The following DENND11 variants were observed in gnomAD, a reference collection of about 807,000 sequenced individuals.
The protein encoded by DENND11 is DENN domain containing 11.
Under a neutral mutation model 49.2 loss-of-function variants are expected in DENND11, and 34 were observed. The observed-to-expected ratio is 0.69, with a 90% confidence interval of 0.53 to 0.92. The LOEUF is 0.92. Among genes scored for constraint, DENND11 ranks in the 40% least tolerant of loss-of-function variants. DENND11 has a pLI of 0.00. For missense variants in DENND11, 475 were observed against 581.6 expected, an observed-to-expected ratio of 0.82 and a Z score of 1.88; for synonymous variants, 238 against 230.3, an observed-to-expected ratio of 1.03 and a Z score of -0.30.
chr7:141,678,255 G>A (rs1256648153), intron 3 of DENND11, among the ~76,000 whole-genome samples: 2 of 152,074 alleles, frequency 1.3e-5, no homozygotes. Flanking sequence ...GAGCCACTGC[G>A]CCCGGCCAAT....
intron 1 of DENND11, among the ~76,000 whole-genome samples, chr7:141,697,785 G>C (rs1361755189): frequency 6.6e-6 from 1 of 152,060 alleles, no homozygotes; most frequent in Non-Finnish European, 1.5e-5. Flanking sequence ...ACTATACAGG[G>C]AATCTACAGA....
At chr7:141,683,682 T>C (rs1798185239) in intron 3 of DENND11, among the ~76,000 whole-genome samples, 1 of 152,010 alleles carries the variant, frequency 6.6e-6, no homozygotes, top group African/African-American at 2.4e-5. Flanking sequence ...AACAAAACAT[T>C]TGGCAAGTTC....
chr7:141,685,541 C>T lies in DENND11; in HGVS notation c.464G>A (p.Gly155Asp). Residue 155 changes from glycine (G) to aspartate (D), a missense_variant, in exon 3 of 9, where the codon GGC becomes GAC. Gly to Asp is a moderately conservative substitution (Grantham distance 94). Coordinates refer to ENST00000536163, the MANE Select transcript of DENND11 (RefSeq NM_001080392.2). ...LERGARMKSV[G>D]ILSPSYTLLY... ...CAGTGTGTAGGAGGGAGAGAGGATG[C>T]CCACAGACTTCATCCGCGCGCCACG... 6.2e-7 allele frequency: 1 copy of T among 1,613,950 alleles called. No homozygotes were observed. Among genetic ancestry groups the T allele is most frequent in the Non-Finnish European group, 8.5e-7 (1 of 1,179,882 alleles).
chr7:141,677,604 A>G (rs555737824), intron 3 of DENND11, among the ~76,000 whole-genome samples: 13 of 151,082 alleles, frequency 8.6e-5, no homozygotes, highest in Admixed American at 2.6e-4. Context: ...ACTCCCATTT[A>G]CTGCGGGTGC....
At chr7:141,671,492 G>A (rs1797979643) in intron 4 of DENND11, among the ~76,000 whole-genome samples, 1 of 151,964 alleles carries the variant, frequency 6.6e-6, no homozygotes, top group South Asian at 2.1e-4. Context: ...TTATTTTGAT[G>A]TGCTGACATA....
At chr7:141,689,228 T>C (rs530859098) in intron 1 of DENND11, among the ~76,000 whole-genome samples, 21 of 152,212 alleles carry the variant, frequency 1.4e-4, no homozygotes, top group Non-Finnish European at 3.1e-4. Context: ...GTAGACCGGA[T>C]AAAGAAAATG....
intron 4 of DENND11, 118 bp from the exon 5 acceptor site, chr7:141,666,543 TA>T (rs1229099937): frequency 3.1e-6 from 3 of 959,634 alleles, no homozygotes; most frequent in Admixed American, 3.1e-5. Flanking sequence ...ACAGATACAT[TA>T]AAGGATGCTT....
intron 1 of DENND11, among the ~76,000 whole-genome samples, chr7:141,698,940 G>T (rs1359489277): frequency 2.0e-5 from 3 of 151,888 alleles, no homozygotes; most frequent in Non-Finnish European, 4.4e-5. Context: ...AGTGATGGGG[G>T]TGGCGGAGGG....
intron 1 of DENND11, among the ~76,000 whole-genome samples, chr7:141,695,950 A>T (rs2117082938): frequency 6.6e-6 from 1 of 152,366 alleles, no homozygotes; most frequent in East Asian, 1.9e-4. Flanking sequence ...GTCATTGAAC[A>T]AATATTGGTG....
At chr7:141,669,084 C>T (rs1028460184) in intron 4 of DENND11, among the ~76,000 whole-genome samples, 1 of 152,092 alleles carries the variant, frequency 6.6e-6, no homozygotes, top group Non-Finnish European at 1.5e-5. Context: ...CCCCTGTATC[C>T]CTCTCCCACT....
chr7:141,673,495 T>C (rs1798015712), intron 4 of DENND11, among the ~76,000 whole-genome samples: 1 of 152,120 alleles, frequency 6.6e-6, no homozygotes, highest in South Asian at 2.1e-4. Context: ...TGGCATAATT[T>C]CTCTACCAGG....
At chr7:141,700,460 AGAGT>A (rs1482291237) in intron 1 of DENND11, among the ~76,000 whole-genome samples, 2 of 151,004 alleles carry the variant, frequency 1.3e-5, no homozygotes, top group African/African-American at 4.9e-5. Flanking sequence ...CCTAGGCGAC[AGAGT>A]GAGACACTGT....
At chr7:141,677,401 A>AT (rs1562999600) in intron 3 of DENND11, among the ~76,000 whole-genome samples, 65 of 71,350 alleles carry the variant, frequency 9.1e-4, no homozygotes, top group Non-Finnish European at 1.5e-3. Flanking sequence ...AAAAAAAAAA[A>AT]AATATATATA....
At chr7:141,683,763 C>T (rs1202303787) in intron 3 of DENND11, among the ~76,000 whole-genome samples, 1 of 152,176 alleles carries the variant, frequency 6.6e-6, no homozygotes, top group Non-Finnish European at 1.5e-5. Context: ...CGACTAATTT[C>T]AGATAACAGT....
chr7:141,669,342 G>A (rs1048415407), intron 4 of DENND11, among the ~76,000 whole-genome samples: 2 of 151,530 alleles, frequency 1.3e-5, no homozygotes, highest in Admixed American at 1.3e-4. Flanking sequence ...CCGCCTCCTG[G>A]GTTCATGCAA....
At chr7:141,663,082 A>G (rs1797829317) in intron 8 of DENND11, 1 of 404,428 alleles carries the variant, frequency 2.5e-6, no homozygotes, top group Admixed American at 4.5e-5. Context: ...GAAATCTCTA[A>G]GCAAGATGGC....
chr7:141,685,754 A>G (rs904935137), intron 2 of DENND11, 118 bp from the exon 3 acceptor site: 1 of 1,148,382 alleles, frequency 8.7e-7, no homozygotes, highest in Admixed American at 2.2e-5. Context: ...CAGCCTCAAG[A>G]AAACAAGCGG....
In DENND11 at chr7:141,661,740, C is replaced by A. The variant is rs1048585885; in HGVS notation, c.*916G>T. The A allele has an allele frequency of 2.0e-5, 3 of 152,250 alleles. No individual in the cohort carries two copies. Among genetic ancestry groups the A allele is most frequent in the African/African-American group, 7.2e-5 (3 of 41,460 alleles). 9.4% of individuals were successfully genotyped at this position (152,250 alleles called of 1,614,324 possible). ...GAGAATTCGTGTCCAGATGAAGAGA[C>A]TTAGAGTGGCTTCTCCATCCTGCTC... is the stretch of plus-strand genomic sequence containing the variant. On this transcript the variant is annotated 3_prime_UTR_variant, in exon 9 of 9. Transcript: ENST00000536163.
chr7:141,662,655 C>T lies in DENND11; in HGVS notation c.*1G>A. On this transcript the variant is annotated 3_prime_UTR_variant, in exon 9 of 9. Transcript: ENST00000536163. Reference sequence around the variant, plus strand: ...GTGGCTCCCAGTCCTGTTGGCTCCTCCTACGGGCAACAGGGGTTGTCGATA... The same window carrying T: ...GTGGCTCCCAGTCCTGTTGGCTCCTTCTACGGGCAACAGGGGTTGTCGATA... The T allele has an allele frequency of 6.4e-7, 1 of 1,572,512 alleles. No homozygotes were observed. Among genetic ancestry groups the T allele is most frequent in the African/African-American group, 1.4e-5 (1 of 73,494 alleles).
Sources: gnomAD v4.1 joint callset for allele counts (sites outside exome capture counted in the v4.1 genomes callset) on GRCh38, gnomAD v4.1.1 for gene constraint, MANE v1.5 for transcripts, NCBI Gene and HGNC (gene_info 2026-07-23, HGNC 2026-07-21) for gene names.